Variants in PCDHA2 observed in about 807,000 individuals in gnomAD.
PCDHA2 encodes protocadherin alpha-2.
PCDHA2 carries 58 observed loss-of-function variants against 66.0 expected under a neutral mutation model. That is an observed-to-expected ratio of 0.88 (90% CI 0.71 to 1.09). PCDHA2 has a LOEUF of 1.09. Among genes scored for constraint, PCDHA2 ranks in the 50% least tolerant of loss-of-function variants. The pLI is 0.00. For synonymous variants in PCDHA2, 634 were observed against 554.0 expected (o/e 1.14, Z -2.03); for missense variants, 1,267 against 1,242.3 (o/e 1.02, Z -0.30).
In PCDHA2 at chr5:140,794,871, A is replaced by G. The variant is rs1466971352; in HGVS notation, c.-94A>G. On this transcript the variant is annotated 5_prime_UTR_variant, in exon 1 of 4. Coordinates refer to ENST00000526136, the MANE Select transcript of PCDHA2 (RefSeq NM_018905.3). ...TTTGTTACTTCAGAGAAGCGGAGGA[A>G]TAAGAGAAGCAGCAGGACTTTAACA... 2 of 1,324,722 alleles carry G rather than the reference A, an allele frequency of 1.5e-6. No homozygotes were observed. The highest frequency in any genetic ancestry group is 2.3e-5 in the East Asian group (1 of 43,076). The allele number at this position is 1,324,722 out of a possible 1,614,324, so 82.1% of individuals were successfully genotyped here.
At chr5:140,827,002 C>T (rs1769143611) in intron 1 of PCDHA2, among the ~76,000 whole-genome samples, 2 of 152,060 alleles carry the variant, frequency 1.3e-5, no homozygotes, top group Non-Finnish European at 2.9e-5. Context: ...ATGGGAAATG[C>T]TCATGTCATT....
chr5:140,818,485 C>T (rs186981491), intron 1 of PCDHA2, among the ~76,000 whole-genome samples: 1 of 152,328 alleles, frequency 6.6e-6, no homozygotes, highest in Non-Finnish European at 1.5e-5. Context: ...TTTTCACTCA[C>T]TTGATCTTGG....
chr5:140,828,642 T>C (rs1769868175), intron 1 of PCDHA2: 1 of 1,614,010 alleles, frequency 6.2e-7, no homozygotes, highest in Non-Finnish European at 8.5e-7. Flanking sequence ...GATGTGAAAA[T>C]AAACAGTGAT....
At chr5:140,803,266 A>G in intron 1 of PCDHA2, 11 of 1,613,988 alleles carry the variant, frequency 6.8e-6, no homozygotes, top group Non-Finnish European at 9.3e-6. Flanking sequence ...ACGGGCCCGG[A>G]AGCTGCACTG....
intron 1 of PCDHA2, chr5:140,801,951 C>T (rs1554121782): frequency 6.2e-7 from 1 of 1,614,200 alleles, no homozygotes; most frequent in East Asian, 2.2e-5. Context: ...AGTCAGATTA[C>T]TCGAAAATGC....
chr5:140,946,031 G>A (rs1275615718), intron 1 of PCDHA2, among the ~76,000 whole-genome samples: 2 of 151,984 alleles, frequency 1.3e-5, no homozygotes, highest in African/African-American at 2.4e-5. Flanking sequence ...AAGAAAACAA[G>A]AGTGAAGGGA....
rs2098331172 is a variant in PCDHA2, at chr5:141,007,465, G to A, written c.2537-2162G>A. Among the ~76,000 whole-genome samples, 5 of 151,906 alleles carry A rather than the reference G, an allele frequency of 3.3e-5. No individual in the cohort carries two copies. The South Asian group carries it at 1.0e-3, about 32-fold the overall frequency. ...TGCCTGTAGTCCCAGCTACTCAGGA[G>A]GCTGAGGCACGAGAATTACTTGGAC... On this transcript the variant is annotated intron_variant, in intron 3 of 3. Transcript: ENST00000526136.
chr5:140,936,820 T>C (rs2091164037), intron 1 of PCDHA2, among the ~76,000 whole-genome samples: 1 of 152,236 alleles, frequency 6.6e-6, no homozygotes, highest in Non-Finnish European at 1.5e-5. Flanking sequence ...TTTTTGGCCC[T>C]TTGCATTTCT....
intron 1 of PCDHA2, chr5:140,860,566 A>G (rs1385735814): frequency 6.6e-6 from 1 of 152,224 alleles, no homozygotes; most frequent in Non-Finnish European, 1.5e-5. Context: ...GGTACTGATC[A>G]TACACAAGAA....
rs138396244 is a variant in PCDHA2 at position 140,808,284 on chromosome 5, G to C, written c.2388+10932G>C. 1.6e-4 allele frequency: 256 copies of C among 1,614,256 alleles called. 1 individual carries two copies. In the African/African-American group the frequency reaches 2.7e-3, roughly 17 times the overall value. ...CCAATTAGAGAGGACGCTCCACTGG[G>C]TACAGTCATCGCCCTGATCAGCGTG... On this transcript the variant is annotated intron_variant, in intron 1 of 3. Coordinates refer to ENST00000526136, the MANE Select transcript of PCDHA2 (RefSeq NM_018905.3).
chr5:140,902,650 G>C (rs868917041), intron 1 of PCDHA2, among the ~76,000 whole-genome samples: 5 of 152,138 alleles, frequency 3.3e-5, no homozygotes, highest in Admixed American at 1.3e-4. Context: ...AGATTTTGGT[G>C]CACCTGTCAC....
chr5:140,797,133 C>T lies in PCDHA2; in HGVS notation c.2169C>T (p.Cys723=). The change falls in exon 1 of 4, where the codon TGC becomes TGT. Residue 723 remains cysteine (C), a synonymous_variant. Transcript: ENST00000526136. ...LTVLLYTALR[C]SVPPTEGARA... is the part of the protein sequence containing the mutation. ...TGCTGCTGTACACTGCGCTGCGGTG[C>T]TCGGTGCCACCCACCGAGGGTGCGC... The T allele has an allele frequency of 6.2e-7, 1 of 1,613,992 alleles. No homozygotes were observed. The highest frequency in any genetic ancestry group is 8.5e-7 in the Non-Finnish European group (1 of 1,179,974).
intron 1 of PCDHA2, among the ~76,000 whole-genome samples, chr5:140,894,883 A>ACC (rs1407725642): frequency 6.6e-6 from 1 of 152,200 alleles, no homozygotes; most frequent in African/African-American, 2.4e-5. Flanking sequence ...TTTAGAAGAA[A>ACC]CAGACCAGGA....
In PCDHA2 at chr5:140,797,369, T is replaced by C. The variant is rs1554120421; in HGVS notation, c.2388+17T>C. 6.2e-7 allele frequency: 1 copy of C among 1,606,110 alleles called. No homozygotes were observed. Among genetic ancestry groups the C allele is most frequent in the South Asian group, 1.1e-5 (1 of 89,910 alleles). ...GTAGGAAAGGTGAGTCTTTTACTTTTTCTTGCCAATTCTAAAATTGTTCTT... is the reference window on the plus strand; with the variant it reads ...GTAGGAAAGGTGAGTCTTTTACTTTCTCTTGCCAATTCTAAAATTGTTCTT... On this transcript the variant is annotated intron_variant, in intron 1 of 3. Coordinates refer to ENST00000526136, the MANE Select transcript of PCDHA2 (RefSeq NM_018905.3).
chr5:140,845,092 C>G (rs145327720), intron 1 of PCDHA2, among the ~76,000 whole-genome samples: 1 of 149,560 alleles, frequency 6.7e-6, no homozygotes, highest in South Asian at 2.1e-4. Flanking sequence ...GTTTATTTTA[C>G]AGTTCTCTTA....
rs1554263543 is a variant in PCDHA2, at chr5:141,011,545, G to A, written c.*1608G>A. 1 of 153,624 alleles carries A rather than the reference G, an allele frequency of 6.5e-6. No individual in the cohort carries two copies. Among genetic ancestry groups the A allele is most frequent in the Non-Finnish European group, 1.5e-5 (1 of 68,004 alleles). 9.5% of individuals were successfully genotyped at this position (153,624 alleles called of 1,614,324 possible). A position where few individuals can be genotyped will look rare whatever the true frequency, so the allele number is the denominator to read the frequency against. Reference sequence around the variant, plus strand: ...TTAACCATTGTTAATCAGCTTTTGTGTATGAAAGACACAGTAAAATTTCTT... The same window carrying A: ...TTAACCATTGTTAATCAGCTTTTGTATATGAAAGACACAGTAAAATTTCTT... On this transcript the variant is annotated 3_prime_UTR_variant, in exon 4 of 4. Coordinates refer to ENST00000526136, the MANE Select transcript of PCDHA2 (RefSeq NM_018905.3).
intron 1 of PCDHA2, among the ~76,000 whole-genome samples, chr5:140,897,200 T>C (rs1462263623): frequency 1.3e-5 from 2 of 152,172 alleles, no homozygotes; most frequent in African/African-American, 4.8e-5. Context: ...TTTTTTATTA[T>C]ACTTTAAGTT....
At chr5:141,005,967 A>ACAATTC (rs1554260442) in intron 3 of PCDHA2, among the ~76,000 whole-genome samples, 1 of 152,062 alleles carries the variant, frequency 6.6e-6, no homozygotes, top group Non-Finnish European at 1.5e-5. Flanking sequence ...CAATAAAAAA[A>ACAATTC]CAATTCCAAA....
At chr5:140,846,601 C>T (rs1554141391) in intron 1 of PCDHA2, among the ~76,000 whole-genome samples, 1 of 148,800 alleles carries the variant, frequency 6.7e-6, no homozygotes, top group Non-Finnish European at 1.5e-5. Flanking sequence ...GTCTCGATCT[C>T]CTGACCTCCT....
Sources: allele counts gnomAD v4.1 joint callset (sites outside exome capture counted in the v4.1 genomes callset), GRCh38; gene constraint gnomAD v4.1.1; transcripts MANE v1.5; gene names NCBI Gene and HGNC (gene_info 2026-07-23, HGNC 2026-07-21).